The following NDUFA8 variants were observed in gnomAD, a reference collection of about 807,000 sequenced individuals.
NDUFA8 encodes the protein NADH:ubiquinone oxidoreductase subunit A8, also known as NADH dehydrogenase [ubiquinone] 1 alpha subcomplex subunit 8.
A neutral mutation model predicts 20.9 loss-of-function variants in NDUFA8; 16 were observed. That is an observed-to-expected ratio of 0.77 (90% CI 0.52 to 1.16). The LOEUF is 1.16. NDUFA8 is among the 50% of genes most tolerant of loss of function. The pLI is 0.00. For missense variants in NDUFA8, 202 were observed against 216.4 expected (o/e 0.93, Z 0.42); for synonymous variants, 70 against 76.1 (o/e 0.92, Z 0.41).
intron 2 of NDUFA8, among the ~76,000 whole-genome samples, chr9:122,149,615 T>C (rs10985549): frequency 0.44 from 66,235 of 152,160 alleles, 17,805 homozygotes; most frequent in Non-Finnish European, 0.6. Flanking sequence ...TAAAATGTAC[T>C]ACCACTGGAC....
At chr9:122,153,332 CGGAGTCACAGAAGATGA>C (rs1272518951) in intron 1 of NDUFA8, among the ~76,000 whole-genome samples, 5 of 145,670 alleles carry the variant, frequency 3.4e-5, no homozygotes, top group African/African-American at 1.3e-4. Flanking sequence ...CAGAGGACTA[CGGAGTCACAGAAGATGA>C]GGCTGGAAGA....
chr9:122,140,871 G>T (rs76573565), downstream of NDUFA8, among the ~76,000 whole-genome samples: 10,034 of 152,080 alleles, frequency 0.066, 415 homozygotes, highest in East Asian at 0.16. Flanking sequence ...CTTCTCTAGG[G>T]TCACACAGCC....
chr9:122,153,132 T>G (rs186189865), intron 1 of NDUFA8, among the ~76,000 whole-genome samples: 1 of 151,958 alleles, frequency 6.6e-6, no homozygotes, highest in African/African-American at 2.4e-5. Context: ...CTGGGCGTGG[T>G]GGTGCACACC....
At chr9:122,150,936 C>T (rs2118708208) in intron 2 of NDUFA8, among the ~76,000 whole-genome samples, 1 of 129,414 alleles carries the variant, frequency 7.7e-6, no homozygotes, top group Non-Finnish European at 1.6e-5. Context: ...CACACCATTG[C>T]ACTCCAGCCT....
intron 3 of NDUFA8, 134 bp from the exon 4 acceptor site, chr9:122,144,512 T>C: frequency 4.7e-6 from 4 of 851,298 alleles, no homozygotes; most frequent in Non-Finnish European, 8.0e-6. Context: ...TCCCAGCAAA[T>C]CACATTCAGA....
At chr9:122,144,511 A>G (rs1206568152) in intron 3 of NDUFA8, 133 bp from the exon 4 acceptor site, 1 of 856,834 alleles carries the variant, frequency 1.2e-6, no homozygotes, top group African/African-American at 1.7e-5. Flanking sequence ...TTCCCAGCAA[A>G]TCACATTCAG....
downstream of NDUFA8, among the ~76,000 whole-genome samples, chr9:122,143,120 A>T (rs1468500813): frequency 6.6e-6 from 1 of 152,150 alleles, no homozygotes; most frequent in Non-Finnish European, 1.5e-5. Context: ...GTCAGGCAAC[A>T]GACCCTGCAC....
intron 1 of NDUFA8, among the ~76,000 whole-genome samples, chr9:122,157,073 CA>C (rs1338421656): frequency 2.0e-5 from 3 of 152,154 alleles, no homozygotes; most frequent in African/African-American, 7.2e-5. Flanking sequence ...CTTCTGGACC[CA>C]AACTATCTTT....
chr9:122,133,085 T>C, the NDUFA8 span: 3 of 451,746 alleles, frequency 6.6e-6, no homozygotes, highest in South Asian at 3.1e-5. Context: ...CTTCCTGCAT[T>C]TCATGGGTGA....
downstream of NDUFA8, among the ~76,000 whole-genome samples, chr9:122,142,601 T>G (rs1460431097): frequency 6.6e-6 from 1 of 152,226 alleles, no homozygotes. Context: ...CCACTTCTTA[T>G]ATATGAGACT....
At chr9:122,138,875 GCC>G in the NDUFA8 span, among the ~76,000 whole-genome samples, 2 of 135,154 alleles carry the variant, frequency 1.5e-5, no homozygotes, top group Admixed American at 7.4e-5. Context: ...TGGGGGGGGG[GCC>G]ATCTGAGCAG....
intron 2 of NDUFA8, among the ~76,000 whole-genome samples, chr9:122,151,476 C>T (rs769953494): frequency 1.3e-5 from 2 of 152,226 alleles, no homozygotes; most frequent in Non-Finnish European, 2.9e-5. Context: ...TCTAGGTTTG[C>T]TAAGCAAGTA....
chr9:122,150,541 A>C (rs2118707303), intron 2 of NDUFA8, among the ~76,000 whole-genome samples: 1 of 152,260 alleles, frequency 6.6e-6, no homozygotes, highest in Non-Finnish European at 1.5e-5. Context: ...AAAATGATCT[A>C]TACGCAAAGG....
rs150679253 is a variant in NDUFA8, at chr9:122,148,192, G to A, written c.301C>T (p.Arg101Cys). ...TCGTCAAACTTTGCCTGCTGTTTGC[G>A]ACAGTGACGAAATAACTGCTGGCCA... ...YTGQQLFRHCRKQQAKFDECV... is the reference protein window; with the variant it reads ...YTGQQLFRHCCKQQAKFDECV... The change falls in exon 3 of 4, where the codon CGC becomes TGC. Residue 101 changes from arginine (R) to cysteine (C), a missense_variant. Physicochemically the swap from Arg to Cys is radical, Grantham distance 180 (BLOSUM62 -3). Coordinates refer to ENST00000373768, the MANE Select transcript of NDUFA8 (RefSeq NM_014222.3). 6.2e-6 allele frequency: 10 copies of A among 1,613,998 alleles called. No homozygotes were observed. Among genetic ancestry groups the A allele is most frequent in the Admixed American group, 3.3e-5 (2 of 59,980 alleles).
Position 122,159,735 on chromosome 9 carries a change from T to G in NDUFA8, c.-58A>C, listed in dbSNP as rs897394378. 1.2e-6 allele frequency: 2 copies of G among 1,612,268 alleles called. No individual in the cohort carries two copies. Among genetic ancestry groups the G allele is most frequent in the African/African-American group, 2.7e-5 (2 of 74,892 alleles). On this transcript the variant is annotated 5_prime_UTR_variant, in exon 1 of 4. Transcript: ENST00000373768. ...CTCAGCCGCGTCGCCCCCGTCTCCT[T>G]GAACTCCCCTTTCGACCGCCGAGTG... is the stretch of plus-strand genomic sequence containing the variant.
downstream of NDUFA8, among the ~76,000 whole-genome samples, chr9:122,143,040 G>A (rs906661780): frequency 1.3e-5 from 2 of 152,212 alleles, no homozygotes; most frequent in African/African-American, 4.8e-5. Context: ...TCCGGATGTG[G>A]GGTCAGCACC....
the NDUFA8 span, among the ~76,000 whole-genome samples, chr9:122,134,871 G>T: frequency 1.3e-5 from 2 of 152,174 alleles, no homozygotes; most frequent in Non-Finnish European, 2.9e-5. Flanking sequence ...CTTGGCAATG[G>T]GTCAGAGCCC....
At chr9:122,140,076 C>G (rs906046394), downstream of NDUFA8, among the ~76,000 whole-genome samples, 2 of 152,170 alleles carry the variant, frequency 1.3e-5, no homozygotes, top group African/African-American at 4.8e-5. Context: ...CAATGTGTAT[C>G]CAATGCTGAG....
At chr9:122,152,555 A>AAT in intron 1 of NDUFA8, 147 bp from the exon 2 acceptor site, 1 of 462,016 alleles carries the variant, frequency 2.2e-6, no homozygotes, top group Non-Finnish European at 3.7e-6. Flanking sequence ...CATAATAATA[A>AAT]TTTTTTTTTT....
Sources: gnomAD v4.1 joint callset for allele counts (sites outside exome capture counted in the v4.1 genomes callset) on GRCh38, gnomAD v4.1.1 for gene constraint, MANE v1.5 for transcripts, NCBI Gene and HGNC (gene_info 2026-07-23, HGNC 2026-07-21) for gene names.